Variants in ZNF821 observed in about 807,000 individuals in gnomAD.
ZNF821 encodes zinc finger protein 821.
ZNF821 carries 16 observed loss-of-function variants against 44.3 expected under a neutral mutation model. The ratio of observed to expected loss-of-function variants is 0.36; its 90% CI spans 0.24 to 0.55. ZNF821 has a LOEUF of 0.55. Among genes scored for constraint, ZNF821 ranks in the 20% least tolerant of loss-of-function variants. ZNF821 has a pLI of 0.86. For missense variants in ZNF821, 436 were observed against 547.6 expected, an observed-to-expected ratio of 0.80 and a Z score of 2.03; for synonymous variants, 204 against 197.6, an observed-to-expected ratio of 1.03 and a Z score of -0.27.
chr16:71,861,938 G>C lies in ZNF821; in HGVS notation c.422C>G (p.Thr141Ser). The C allele has an allele frequency of 6.2e-7, 1 of 1,614,160 alleles. No homozygotes were observed. Among genetic ancestry groups the C allele is most frequent in the African/African-American group, 1.3e-5 (1 of 75,058 alleles). Residue 141 changes from threonine (T) to serine (S), a missense_variant, in exon 7 of 8, where the codon ACT becomes AGT. By Grantham distance (58) the Thr-to-Ser change is moderately conservative. This residue lies in a region of ZNF821 where 238 missense variants were observed against 281.4 expected (regional missense o/e 0.85). Transcript: ENST00000425432. ...EQLIAHVYQH[T>S]AAVVSAKSYM... is the part of the protein sequence containing the mutation. ...GCTCTTGGCGCTCACCACTGCTGCAGTGTGCTGTAAAACAGAGCCTTGATC... is the reference window on the plus strand; with the variant it reads ...GCTCTTGGCGCTCACCACTGCTGCACTGTGCTGTAAAACAGAGCCTTGATC...
upstream of ZNF821, among the ~76,000 whole-genome samples, chr16:71,886,177 A>G (rs929753598): frequency 1.3e-5 from 2 of 152,228 alleles, no homozygotes; most frequent in African/African-American, 2.4e-5. Flanking sequence ...CCTGTGCTCT[A>G]AAAATTTCTC....
intron 3 of ZNF821, 134 bp from the exon 4 acceptor site, chr16:71,868,171 C>T: frequency 2.9e-6 from 3 of 1,026,798 alleles, no homozygotes; most frequent in Non-Finnish European, 4.1e-6. Context: ...ATCTCCAAGT[C>T]AGCTTGCTGC....
In ZNF821 at chr16:71,859,973, G is replaced by A; in HGVS notation, c.*45C>T. 2 of 1,503,714 alleles carry A rather than the reference G, an allele frequency of 1.3e-6. No homozygotes were observed. Among genetic ancestry groups the A allele is most frequent in the Non-Finnish European group, 1.8e-6 (2 of 1,129,766 alleles). The allele number at this position is 1,503,714 out of a possible 1,614,324, so 93.1% of individuals were successfully genotyped here. The stretch of plus-strand genomic sequence containing the variant: ...GGTCCTCGTGGCTGTGGGTGTGGGT[G>A]GGTGGGTAGGTAGGTGGGAAGGAGG... On this transcript the variant is annotated 3_prime_UTR_variant, in exon 8 of 8. Coordinates refer to ENST00000425432, the MANE Select transcript of ZNF821 (RefSeq NM_001201552.2).
chr16:71,868,079 A>T, intron 3 of ZNF821, 42 bp from the exon 4 acceptor site: 1 of 1,522,722 alleles, frequency 6.6e-7, no homozygotes, highest in Non-Finnish European at 8.8e-7. Context: ...CCAGCTGGGC[A>T]GCATATCCCC....
chr16:71,863,823 G>A (rs886094226), intron 6 of ZNF821, among the ~76,000 whole-genome samples: 2 of 151,970 alleles, frequency 1.3e-5, no homozygotes, highest in Non-Finnish European at 1.5e-5. Context: ...ACAGCATCCC[G>A]AGTAGCTGGG....
chr16:71,888,768 T>C (rs1373320554), upstream of ZNF821, among the ~76,000 whole-genome samples: 1 of 152,210 alleles, frequency 6.6e-6, no homozygotes, highest in Non-Finnish European at 1.5e-5. Context: ...TAAGGAAAAA[T>C]TAAGTTTTCT....
rs753358133 is a variant in ZNF821 at position 71,860,379 on chromosome 16, C to T, written c.878G>A (p.Arg293Gln). The T allele has an allele frequency of 4.3e-6, 7 of 1,611,866 alleles. No individual in the cohort carries two copies. Among genetic ancestry groups the T allele is most frequent in the Middle Eastern group, 1.6e-4 (1 of 6,084 alleles). The change falls in exon 8 of 8, where the codon CGG (arginine) becomes CAG (glutamine). Residue 293 changes from arginine to glutamine, a missense_variant. By Grantham distance (43) the Arg-to-Gln change is conservative. Transcript: ENST00000425432. This position sits in a 1 kb window ranked among gnomAD's most constrained non-coding sequence, Gnocchi z 7.3. ...ACGGTCCCTCATGCGCCTCACCTCC[C>T]GCTCCTCGGGGGTCTCATTGTCCCG... is the stretch of plus-strand genomic sequence containing the variant. ...SRRDNETPEE[R>Q]EVRRMRDREA...
chr16:71,894,928 AG>A (rs1239440351), exon 1 of ZNF821: 1 of 1,084,098 alleles, frequency 9.2e-7, no homozygotes, highest in Non-Finnish European at 1.4e-6. Flanking sequence ...TGTGGTGCTG[AG>A]GAAACACTAC....
At chr16:71,870,876 G>A (rs1463255299) in intron 3 of ZNF821, among the ~76,000 whole-genome samples, 1 of 152,138 alleles carries the variant, frequency 6.6e-6, no homozygotes, top group Non-Finnish European at 1.5e-5. Context: ...AACAAGTTAT[G>A]TACTAGCATA....
chr16:71,876,014 GT>G (rs927956221), intron 3 of ZNF821, among the ~76,000 whole-genome samples: 3 of 152,198 alleles, frequency 2.0e-5, no homozygotes, highest in African/African-American at 7.2e-5. Context: ...CAAGCCTGAA[GT>G]GGCTCCCCTG....
intron 5 of ZNF821, 160 bp downstream of exon 5, chr16:71,864,743 G>T (rs139773282): frequency 1.2e-6 from 1 of 805,484 alleles, no homozygotes; most frequent in African/African-American, 1.7e-5. Flanking sequence ...CGAGAACTGA[G>T]AGTCTGAGGT....
chr16:71,860,301 C>T lies in ZNF821; in HGVS notation c.956G>A (p.Arg319Gln), dbSNP rs1252099796. ...MQETDEQRARRLQRDREAMRL... is the reference protein window; with the variant it reads ...MQETDEQRARQLQRDREAMRL... ...CATGGCCTCCCGATCCCGCTGCAGC[C>T]GGCGTGCCCGCTGCTCGTCTGTCTC... The change falls in exon 8 of 8, where the codon CGG becomes CAG. Residue 319 changes from arginine (R) to glutamine (Q), a missense_variant. Transcript: ENST00000425432. The surrounding 1 kb of genome is among the most constrained non-coding windows in gnomAD (Gnocchi z 7.3). 1.9e-6 allele frequency: 3 copies of T among 1,613,104 alleles called. No homozygotes were observed. Among genetic ancestry groups the T allele is most frequent in the Non-Finnish European group, 1.7e-6 (2 of 1,179,996 alleles).
chr16:71,886,921 T>C (rs2036859848), upstream of ZNF821, among the ~76,000 whole-genome samples: 2 of 152,250 alleles, frequency 1.3e-5, no homozygotes, highest in Non-Finnish European at 1.5e-5. Flanking sequence ...GATTATACAG[T>C]ATGGGACCTC....
At chr16:71,874,198 G>A (rs1401037456) in intron 3 of ZNF821, among the ~76,000 whole-genome samples, 2 of 151,586 alleles carry the variant, frequency 1.3e-5, no homozygotes, top group Non-Finnish European at 2.9e-5. Context: ...CTGACCTCAG[G>A]TGATCCACCC....
Position 71,860,812 on chromosome 16 carries a change from T to G in ZNF821, c.585-140A>C. ...CAGTTTGAATGCTTGGTGGACCTCT[T>G]CTGCTGCTCCATCCCTTCTCTTCGC... On this transcript the variant is annotated intron_variant, in intron 7 of 7. Transcript: ENST00000425432. The surrounding 1 kb of genome is among the most constrained non-coding windows in gnomAD (Gnocchi z 7.3). The G allele has an allele frequency of 1.3e-6, 1 of 772,586 alleles. No homozygotes were observed. Among genetic ancestry groups the G allele is most frequent in the Non-Finnish European group, 2.0e-6 (1 of 495,642 alleles). The allele number at this position is 772,586 out of a possible 1,614,324, so 47.9% of individuals were successfully genotyped here. A position where few individuals can be genotyped will look rare whatever the true frequency, so the allele number is the denominator to read the frequency against.
At chr16:71,872,608 G>A (rs1326184148) in intron 3 of ZNF821, among the ~76,000 whole-genome samples, 3 of 152,060 alleles carry the variant, frequency 2.0e-5, no homozygotes, top group African/African-American at 4.8e-5. Flanking sequence ...GCGAGACTCC[G>A]TCTCAAAAAA....
chr16:71,889,964 CAAAACAAAAACA>C (rs920471492), intron 1 of ZNF821, among the ~76,000 whole-genome samples: 1 of 152,016 alleles, frequency 6.6e-6, no homozygotes, highest in Non-Finnish European at 1.5e-5. Flanking sequence ...TCAGGCAAAA[CAAAACAAAAACA>C]AAAACAAAAA....
chr16:71,892,315 G>A (rs989149102), intron 1 of ZNF821, among the ~76,000 whole-genome samples: 4 of 150,634 alleles, frequency 2.7e-5, no homozygotes, highest in African/African-American at 9.7e-5. Flanking sequence ...CACCCAGGCT[G>A]GAGGGCAGGG....
intron 3 of ZNF821, among the ~76,000 whole-genome samples, chr16:71,870,486 C>CTTTTT (rs5817794): frequency 1.5e-5 from 2 of 136,636 alleles, no homozygotes. Flanking sequence ...TGGTACTTTC[C>CTTTTT]TTTTTTTTTT....
Sources: gnomAD v4.1 joint callset for allele counts (sites outside exome capture counted in the v4.1 genomes callset) on GRCh38, gnomAD v4.1.1 for gene constraint, gnomAD v4.1.1 regional missense constraint, Gnocchi (gnomAD v3.1) non-coding constraint, MANE v1.5 for transcripts, NCBI Gene and HGNC (gene_info 2026-07-23, HGNC 2026-07-21) for gene names.